Variants in NARS2 observed in about 807,000 individuals in gnomAD.
NARS2 encodes the protein asparaginyl-tRNA synthetase 2, mitochondrial.
NARS2 carries 60 observed loss-of-function variants against 62.9 expected under a neutral mutation model. The observed-to-expected ratio is 0.95, with a 90% CI of 0.77 to 1.18. The LOEUF (loss-of-function observed/expected upper bound fraction) is 1.18. NARS2 is among the 50% of genes most tolerant of loss of function. The pLI is 0.00. For missense variants in NARS2, 619 were observed against 576.4 expected (o/e 1.07, Z -0.76); for synonymous variants, 196 against 200.0 (o/e 0.98, Z 0.17).
chr11:78,460,064 G>C (rs1244006448), intron 11 of NARS2, among the ~76,000 whole-genome samples: 1 of 152,160 alleles, frequency 6.6e-6, no homozygotes, highest in African/African-American at 2.4e-5. Context: ...TCTGAGGTGA[G>C]AGAAAGAACT....
chr11:78,540,523 A>G (rs771318097), intron 5 of NARS2, among the ~76,000 whole-genome samples: 6 of 152,118 alleles, frequency 3.9e-5, no homozygotes, highest in Admixed American at 6.5e-5. Context: ...CACCCAATCT[A>G]TTTTTATCTC....
Position 78,476,413 on chromosome 11 carries a change from T to A in NARS2, c.959+2025A>T, listed in dbSNP as rs538919920. Among the ~76,000 whole-genome samples the A allele has an allele frequency of 2.6e-3, 395 of 152,336 alleles. 7 individuals carry two copies. The highest frequency in any genetic ancestry group is 0.02 in the Middle Eastern group (6 of 294). ...GTCTCTTTTTCCACTGCATTAACTGTGTGCCAAGGGGAATCTTCTGTGTGT... is the reference window on the plus strand; with the variant it reads ...GTCTCTTTTTCCACTGCATTAACTGAGTGCCAAGGGGAATCTTCTGTGTGT... On this transcript the variant is annotated intron_variant, in intron 9 of 13. Coordinates refer to ENST00000281038, the MANE Select transcript of NARS2 (RefSeq NM_024678.6).
chr11:78,443,531 T>C (rs1319273992), intron 12 of NARS2, 130 bp downstream of exon 12: 11 of 528,654 alleles, frequency 2.1e-5, no homozygotes, highest in Non-Finnish European at 3.1e-5. Flanking sequence ...CTCAAGGACA[T>C]AGAGAATCTG....
rs563489213 is a variant in NARS2, at chr11:78,539,635, G to C, written c.595-10699C>G. ...CAGTTTGGCAGTCAGTATGTAGATG[G>C]TATGGTACATAAAGCCTTGGAAGTG... On this transcript the variant is annotated intron_variant, in intron 5 of 13. Transcript: ENST00000281038. 5.9e-5 allele frequency among the ~76,000 whole-genome samples: 9 copies of C among 152,316 alleles called. No individual in the cohort carries two copies. The East Asian group carries it at 1.7e-3, about 29-fold the overall frequency.
chr11:78,439,973 G>C (rs796905648), intron 13 of NARS2, among the ~76,000 whole-genome samples: 8 of 152,310 alleles, frequency 5.3e-5, no homozygotes, highest in African/African-American at 1.9e-4. Flanking sequence ...TCTATAGTTC[G>C]TGGGGGCATT....
intron 7 of NARS2, among the ~76,000 whole-genome samples, chr11:78,488,098 G>T (rs1242402205): frequency 6.6e-6 from 1 of 152,120 alleles, no homozygotes; most frequent in Non-Finnish European, 1.5e-5. Flanking sequence ...TATGTATGGT[G>T]ATTGAGAGCA....
chr11:78,538,970 GGGC>G (rs1855498946), intron 5 of NARS2, among the ~76,000 whole-genome samples: 1 of 113,180 alleles, frequency 8.8e-6, no homozygotes, highest in Non-Finnish European at 1.7e-5. Flanking sequence ...ACTCCAGCCT[GGGC>G]GACAGAGCGA....
intron 12 of NARS2, among the ~76,000 whole-genome samples, chr11:78,442,166 G>A (rs1021343487): frequency 7.9e-5 from 12 of 152,184 alleles, no homozygotes; most frequent in Non-Finnish European, 1.2e-4. Context: ...AAAGAAAACA[G>A]ACCAATTAAT....
intron 3 of NARS2, among the ~76,000 whole-genome samples, chr11:78,568,018 A>G (rs1856800637): frequency 6.6e-6 from 1 of 152,256 alleles, no homozygotes; most frequent in Admixed American, 6.5e-5. Context: ...TGAAGCTAAC[A>G]GAAGAGTCTT....
At chr11:78,566,576 T>A (rs542019688) in intron 3 of NARS2, among the ~76,000 whole-genome samples, 2 of 152,358 alleles carry the variant, frequency 1.3e-5, no homozygotes, top group East Asian at 3.9e-4. Context: ...AACCACTTCC[T>A]ACAAATAGGT....
chr11:78,550,235 T>A lies in NARS2; in HGVS notation c.594+9304A>T, dbSNP rs535029717. On this transcript the variant is annotated intron_variant, in intron 5 of 13. Transcript: ENST00000281038. The stretch of plus-strand genomic sequence containing the variant: ...ATAACAAAGTTCCCTCGACCTTTAA[T>A]CCTTCCAACAAAATGTAACCTGAAG... Among the ~76,000 whole-genome samples, 6 of 152,306 alleles carry A rather than the reference T, an allele frequency of 3.9e-5. No individual in the cohort carries two copies. The East Asian group carries it at 1.2e-3, about 29-fold the overall frequency.
chr11:78,493,296 C>T, intron 6 of NARS2, 101 bp from the exon 7 acceptor site: 1 of 1,106,654 alleles, frequency 9.0e-7, no homozygotes, highest in Non-Finnish European at 1.3e-6. Flanking sequence ...TTTTGTGTGC[C>T]TCTGTCTTGT....
chr11:78,557,161 T>C (rs1183318230), intron 5 of NARS2, among the ~76,000 whole-genome samples: 3 of 152,216 alleles, frequency 2.0e-5, no homozygotes, highest in Admixed American at 6.5e-5. Flanking sequence ...AACAGAATAT[T>C]AGAAGTGCAT....
chr11:78,535,289 G>C (rs1026011273), intron 5 of NARS2, among the ~76,000 whole-genome samples: 27 of 152,124 alleles, frequency 1.8e-4, no homozygotes, highest in African/African-American at 6.5e-4. Flanking sequence ...TCCGATTCTT[G>C]AAACAATGGT....
Position 78,466,393 on chromosome 11 carries a change from C to T in NARS2, c.1027-380G>A, listed in dbSNP as rs921039921. Among the ~76,000 whole-genome samples, 9 of 151,830 alleles carry T rather than the reference C, an allele frequency of 5.9e-5. No homozygotes were observed. In the South Asian group the frequency reaches 1.0e-3, roughly 18 times the overall value. ...TTAATAGTGCCTACAGCTTCTTCCA[C>T]GTTATTGTTCCTAAGTCTCAGGAAA... is the stretch of plus-strand genomic sequence containing the variant. On this transcript the variant is annotated intron_variant, in intron 10 of 13. Transcript: ENST00000281038.
chr11:78,558,070 T>C (rs914477939), intron 5 of NARS2, among the ~76,000 whole-genome samples: 1 of 152,112 alleles, frequency 6.6e-6, no homozygotes, highest in African/African-American at 2.4e-5. Flanking sequence ...TAGAAATGTA[T>C]TTACAGTAAT....
chr11:78,565,947 T>C (rs563556114), intron 4 of NARS2, among the ~76,000 whole-genome samples, 185 bp downstream of exon 4: 49 of 152,132 alleles, frequency 3.2e-4, no homozygotes, highest in Non-Finnish European at 5.9e-4. Flanking sequence ...AAGGTAAAAT[T>C]CACAATGTCT....
At chr11:78,573,815 A>C (rs1049295206) in intron 1 of NARS2, among the ~76,000 whole-genome samples, 3 of 152,254 alleles carry the variant, frequency 2.0e-5, no homozygotes, top group Admixed American at 1.3e-4. Flanking sequence ...TTTAAACCTA[A>C]GCAGCTTAAC....
chr11:78,472,303 GA>G (rs1565220767), intron 9 of NARS2, among the ~76,000 whole-genome samples: 1 of 152,154 alleles, frequency 6.6e-6, no homozygotes, highest in Non-Finnish European at 1.5e-5. Context: ...CTGTGGTAGA[GA>G]ATGATACAGC....
Sources: allele counts gnomAD v4.1 joint callset (sites outside exome capture counted in the v4.1 genomes callset), GRCh38; gene constraint gnomAD v4.1.1; transcripts MANE v1.5; gene names NCBI Gene and HGNC (gene_info 2026-07-23, HGNC 2026-07-21).